MBNL1: variants seen among roughly 807,000 people sequenced by gnomAD.
MBNL1 encodes muscleblind-like protein 1.
A neutral mutation model predicts 42.2 loss-of-function variants in MBNL1; 8 were observed. The ratio of observed to expected loss-of-function variants is 0.19; its 90% CI spans 0.11 to 0.34. MBNL1 has a LOEUF of 0.34. Among genes scored for constraint, MBNL1 ranks in the 10% least tolerant of loss-of-function variants. The pLI is 1.00. For missense variants in MBNL1, 309 were observed against 495.3 expected (o/e 0.62, Z 3.57); for synonymous variants, 169 against 173.9 (o/e 0.97, Z 0.22).
In MBNL1 at chr3:152,453,117, T is replaced by G. The variant is rs537698948; in HGVS notation, c.962-2425T>G. 1.8e-3 allele frequency among the ~76,000 whole-genome samples: 268 copies of G among 152,166 alleles called. 2 individuals are homozygous for G. The highest frequency in any genetic ancestry group is 6.0e-3 in the African/African-American group (250 of 41,560). ...CAATTTTGAGAATAATCCAACTGATTGTTAACTTTTAGTCTTAAAATGATA... is the reference window on the plus strand; with the variant it reads ...CAATTTTGAGAATAATCCAACTGATGGTTAACTTTTAGTCTTAAAATGATA... On this transcript the variant is annotated intron_variant, in intron 6 of 9. Coordinates refer to ENST00000324210, the MANE Select transcript of MBNL1 (RefSeq NM_021038.5).
chr3:152,378,690 G>A (rs2097034300), intron 2 of MBNL1, among the ~76,000 whole-genome samples: 1 of 151,986 alleles, frequency 6.6e-6, no homozygotes, highest in African/African-American at 2.4e-5. Flanking sequence ...ATTGAAACAG[G>A]AGTTTTACTT....
chr3:152,402,022 ACT>A (rs1202564707), intron 2 of MBNL1, among the ~76,000 whole-genome samples: 147 of 136,712 alleles, frequency 1.1e-3, no homozygotes, highest in African/African-American at 3.8e-3. Context: ...ACAGAGCAAG[ACT>A]CTGTCTCAAA....
chr3:152,382,352 T>C (rs953613913), intron 2 of MBNL1, among the ~76,000 whole-genome samples: 1 of 152,112 alleles, frequency 6.6e-6, no homozygotes, highest in African/African-American at 2.4e-5. Flanking sequence ...ATAGAATCCG[T>C]GTTCCTCGCC....
At chr3:152,262,014 T>C (rs1396451065) in intron 2 of MBNL1, among the ~76,000 whole-genome samples, 1 of 152,138 alleles carries the variant, frequency 6.6e-6, no homozygotes, top group Non-Finnish European at 1.5e-5. Flanking sequence ...TTTGCTACGC[T>C]CTTTTCCAAC....
intron 2 of MBNL1, among the ~76,000 whole-genome samples, chr3:152,256,635 C>G (rs567681929): frequency 1.3e-5 from 2 of 152,254 alleles, no homozygotes; most frequent in South Asian, 4.2e-4. Flanking sequence ...TTTTAAATCT[C>G]TGTTAGTTGG....
intron 3 of MBNL1, among the ~76,000 whole-genome samples, chr3:152,417,528 C>T (rs1199436908): frequency 1.3e-5 from 2 of 152,080 alleles, no homozygotes; most frequent in Non-Finnish European, 2.9e-5. Flanking sequence ...TAGGTGACAG[C>T]ATCTAACTTC....
At chr3:152,426,031 G>C (rs2153715655) in intron 3 of MBNL1, among the ~76,000 whole-genome samples, 1 of 152,308 alleles carries the variant, frequency 6.6e-6, no homozygotes, top group Middle Eastern at 3.4e-3. Flanking sequence ...GAAAGAATGA[G>C]TTCCTGTCCT....
chr3:152,375,396 A>G (rs1474433471), intron 2 of MBNL1, among the ~76,000 whole-genome samples: 1 of 152,214 alleles, frequency 6.6e-6, no homozygotes, highest in African/African-American at 2.4e-5. Flanking sequence ...TGAATTATGC[A>G]TACAAATATT....
At chr3:152,351,897 T>G (rs1422847633) in intron 2 of MBNL1, among the ~76,000 whole-genome samples, 1 of 152,242 alleles carries the variant, frequency 6.6e-6, no homozygotes, top group Non-Finnish European at 1.5e-5. Context: ...ATTTTGGAGA[T>G]TCAAAAGTAC....
At chr3:152,254,391 T>TCCTGCCTTGC (rs1156725403) in intron 2 of MBNL1, among the ~76,000 whole-genome samples, 16 of 152,130 alleles carry the variant, frequency 1.1e-4, no homozygotes, top group African/African-American at 3.9e-4. Flanking sequence ...TCTGCCCTTG[T>TCCTGCCTTGC]CCTGCCTTGC....
intron 1 of MBNL1, among the ~76,000 whole-genome samples, chr3:152,280,327 G>C (rs1048236830): frequency 6.6e-6 from 1 of 152,134 alleles, no homozygotes; most frequent in African/African-American, 2.4e-5. Flanking sequence ...TAACTCTTTA[G>C]ATACTTTGTA....
At chr3:152,340,410 C>T in intron 2 of MBNL1, 3 of 1,217,224 alleles carry the variant, frequency 2.5e-6, no homozygotes, top group Non-Finnish European at 3.4e-6. Flanking sequence ...ATGACAATGA[C>T]TGAGTTTTTT....
At chr3:152,452,662 C>T (rs1725672501) in intron 6 of MBNL1, among the ~76,000 whole-genome samples, 1 of 152,268 alleles carries the variant, frequency 6.6e-6, no homozygotes, top group Non-Finnish European at 1.5e-5. Flanking sequence ...AGGCTACCTA[C>T]CCAGCTACCT....
At chr3:152,441,079 C>T (rs2099139685) in intron 4 of MBNL1, among the ~76,000 whole-genome samples, 1 of 152,128 alleles carries the variant, frequency 6.6e-6, no homozygotes, top group Non-Finnish European at 1.5e-5. Flanking sequence ...GATTGTTATT[C>T]TCCAAGATGA....
chr3:152,298,004 A>G (rs1371842946), intron 1 of MBNL1, among the ~76,000 whole-genome samples: 4 of 152,162 alleles, frequency 2.6e-5, no homozygotes, highest in African/African-American at 4.8e-5. Flanking sequence ...GTATTTTCCA[A>G]ATAGTTTTGG....
intron 2 of MBNL1, chr3:152,340,801 GA>G: frequency 6.2e-7 from 1 of 1,614,008 alleles, no homozygotes; most frequent in South Asian, 1.1e-5. Flanking sequence ...GGACTGGACA[GA>G]ACCTACTTTT....
chr3:152,358,014 C>T (rs777227316), intron 2 of MBNL1, among the ~76,000 whole-genome samples: 2 of 152,020 alleles, frequency 1.3e-5, no homozygotes, highest in East Asian at 1.9e-4. Flanking sequence ...TGTGTGCGCA[C>T]GCACGTGCGT....
chr3:152,245,595 CA>C (rs1314859124), intron 2 of MBNL1, among the ~76,000 whole-genome samples: 3 of 152,098 alleles, frequency 2.0e-5, no homozygotes, highest in African/African-American at 7.2e-5. Flanking sequence ...AAAGAAAGTC[CA>C]CACTATCCCA....
At chr3:152,312,220 A>G (rs1338353875) in intron 2 of MBNL1, among the ~76,000 whole-genome samples, 1 of 151,024 alleles carries the variant, frequency 6.6e-6, no homozygotes, top group Admixed American at 6.6e-5. Flanking sequence ...AAAGAGATGT[A>G]TCTCAAATAT....
Sources: gnomAD v4.1 joint callset for allele counts (sites outside exome capture counted in the v4.1 genomes callset) on GRCh38, gnomAD v4.1.1 for gene constraint, MANE v1.5 for transcripts, NCBI Gene and HGNC (gene_info 2026-07-23, HGNC 2026-07-21) for gene names.